The following NFIB variants were observed in gnomAD, a reference collection of about 807,000 sequenced individuals.
NFIB encodes the protein nuclear factor 1 B-type.
Under a neutral mutation model 61.5 loss-of-function variants are expected in NFIB, and 11 were observed. The ratio of observed to expected loss-of-function variants is 0.18; its 90% CI spans 0.11 to 0.30. The LOEUF is 0.30. Ranked by LOEUF, NFIB falls within the 10% of genes least tolerant of loss-of-function variation. The pLI is 1.00. For missense variants in NFIB, 471 were observed against 608.9 expected (o/e 0.77, Z 2.38); for synonymous variants, 260 against 216.5 (o/e 1.20, Z -1.76).
At chr9:14,284,112 T>C (rs1016400407) in intron 2 of NFIB, among the ~76,000 whole-genome samples, 12 of 152,182 alleles carry the variant, frequency 7.9e-5, no homozygotes, top group Non-Finnish European at 1.6e-4. Context: ...AGCTTTCGGA[T>C]TGGAGAGTTA....
the NFIB span, among the ~76,000 whole-genome samples, chr9:14,508,697 G>A: frequency 6.6e-6 from 1 of 152,182 alleles, no homozygotes; most frequent in Non-Finnish European, 1.5e-5. Flanking sequence ...GGATGGTCCG[G>A]CTACATGCCT....
At chr9:14,150,064 C>G in intron 5 of NFIB, 81 bp downstream of exon 5, 1 of 1,566,650 alleles carries the variant, frequency 6.4e-7, no homozygotes, top group Non-Finnish European at 8.7e-7. Context: ...CTTTACCTAC[C>G]TACCTATCTA....
intron 2 of NFIB, among the ~76,000 whole-genome samples, chr9:14,296,091 TA>T (rs1450208239): frequency 2.0e-5 from 3 of 152,238 alleles, no homozygotes; most frequent in African/African-American, 7.2e-5. Flanking sequence ...TCCTCTTTGG[TA>T]TGTCTTGTTA....
At chr9:14,360,226 T>C (rs977133466) in intron 1 of NFIB, among the ~76,000 whole-genome samples, 1 of 152,232 alleles carries the variant, frequency 6.6e-6, no homozygotes, top group Non-Finnish European at 1.5e-5. Flanking sequence ...AACCCTTATC[T>C]AAAGCATTCG....
chr9:14,259,321 C>G (rs2056525170), intron 2 of NFIB, among the ~76,000 whole-genome samples: 1 of 152,236 alleles, frequency 6.6e-6, no homozygotes. Context: ...AGAAATTATA[C>G]TCCAAAGAGC....
intron 2 of NFIB, among the ~76,000 whole-genome samples, chr9:14,266,084 T>C (rs907983234): frequency 3.9e-5 from 6 of 152,178 alleles, no homozygotes; most frequent in Non-Finnish European, 8.8e-5. Context: ...TCCTCTCCCG[T>C]ACTCACTCAC....
At chr9:14,482,281 C>A in the NFIB span, among the ~76,000 whole-genome samples, 5 of 152,152 alleles carry the variant, frequency 3.3e-5, no homozygotes, top group East Asian at 3.9e-4. Flanking sequence ...ATACAGTGCC[C>A]TGACCAAGGG....
chr9:14,523,064 G>T, the NFIB span, among the ~76,000 whole-genome samples: 2 of 152,186 alleles, frequency 1.3e-5, no homozygotes, highest in Admixed American at 6.5e-5. Flanking sequence ...TGCTGGTATA[G>T]AAGGGTAGTG....
intron 2 of NFIB, among the ~76,000 whole-genome samples, chr9:14,290,717 A>G (rs1195167305): frequency 3.9e-5 from 6 of 152,108 alleles, no homozygotes; most frequent in Non-Finnish European, 7.4e-5. Context: ...TCACTAGTGC[A>G]TATACAAAAG....
At chr9:14,196,101 T>A (rs1414899420) in intron 2 of NFIB, among the ~76,000 whole-genome samples, 1 of 152,074 alleles carries the variant, frequency 6.6e-6, no homozygotes, top group African/African-American at 2.4e-5. Flanking sequence ...TTCACGCTGG[T>A]TGAACTTAAT....
At chr9:14,172,410 T>G (rs1019651361) in intron 3 of NFIB, among the ~76,000 whole-genome samples, 1 of 152,076 alleles carries the variant, frequency 6.6e-6, no homozygotes, top group Non-Finnish European at 1.5e-5. Flanking sequence ...AGTTGATGGC[T>G]TCATAAAGTA....
At chr9:14,175,426 G>A (rs544420045) in intron 3 of NFIB, among the ~76,000 whole-genome samples, 7 of 151,890 alleles carry the variant, frequency 4.6e-5, no homozygotes, top group East Asian at 3.9e-4. Flanking sequence ...CACTCGCCTC[G>A]GCCTCCCAAA....
the NFIB span, among the ~76,000 whole-genome samples, chr9:14,512,581 G>A: frequency 2.6e-5 from 4 of 151,994 alleles, no homozygotes; most frequent in Non-Finnish European, 5.9e-5. Flanking sequence ...AACCCAATAT[G>A]CATACAGAAA....
At chr9:14,230,066 A>G (rs2052932422) in intron 2 of NFIB, among the ~76,000 whole-genome samples, 2 of 152,130 alleles carry the variant, frequency 1.3e-5, no homozygotes, top group South Asian at 2.1e-4. Flanking sequence ...TAGCCTCCCA[A>G]TGTGCTGAGA....
intron 2 of NFIB, among the ~76,000 whole-genome samples, chr9:14,233,789 T>C (rs916641061): frequency 1.3e-5 from 2 of 152,212 alleles, no homozygotes; most frequent in Non-Finnish European, 2.9e-5. Context: ...AAGGTGAGCA[T>C]ATGTACAAAG....
intron 2 of NFIB, among the ~76,000 whole-genome samples, chr9:14,251,220 T>C (rs866155479): frequency 5.3e-5 from 8 of 152,336 alleles, no homozygotes; most frequent in Admixed American, 1.3e-4. Flanking sequence ...GTGCAATCAC[T>C]GAATGAGGAA....
chr9:14,434,676 A>G, the NFIB span, among the ~76,000 whole-genome samples: 1 of 152,254 alleles, frequency 6.6e-6, no homozygotes, highest in Non-Finnish European at 1.5e-5. Context: ...TTAGTGAGCC[A>G]CCACACAAAG....
At chr9:14,338,244 A>G (rs1341061275) in intron 1 of NFIB, among the ~76,000 whole-genome samples, 1 of 152,112 alleles carries the variant, frequency 6.6e-6, no homozygotes, top group African/African-American at 2.4e-5. Context: ...AATACAAAAA[A>G]TTAGCCGGGC....
chr9:14,086,348 T>C lies in NFIB; in HGVS notation c.*1961A>G. 1 of 219,094 alleles carries C rather than the reference T, an allele frequency of 4.6e-6. No homozygotes were observed. The highest frequency in any genetic ancestry group is 9.2e-6 in the Non-Finnish European group (1 of 109,060). 13.6% of individuals were successfully genotyped at this position (219,094 alleles called of 1,614,324 possible). ...AAATAGCAGTACCCACTTTGGTCAA[T>C]TAAAACAAACAAACAAACAAAAAAG... On this transcript the variant is annotated 3_prime_UTR_variant, in exon 11 of 11. Coordinates refer to ENST00000380953, the MANE Select transcript of NFIB (RefSeq NM_001190737.2).
Sources: allele counts gnomAD v4.1 joint callset (sites outside exome capture counted in the v4.1 genomes callset), GRCh38; gene constraint gnomAD v4.1.1; transcripts MANE v1.5; gene names NCBI Gene and HGNC (gene_info 2026-07-23, HGNC 2026-07-21).